Variants in AUTS2 observed in about 807,000 individuals in gnomAD.
AUTS2 encodes the protein activator of transcription and developmental regulator AUTS2.
Under a neutral mutation model 112.4 loss-of-function variants are expected in AUTS2, and 17 were observed. That is an observed-to-expected ratio of 0.15 (90% confidence interval 0.10 to 0.23). The LOEUF is 0.23. AUTS2 is among the 10% of genes least tolerant of loss of function. The pLI is 1.00. For synonymous variants in AUTS2, 751 were observed against 702.7 expected (o/e 1.07, Z -1.09); for missense variants, 1,510 against 1,701.6 (o/e 0.89, Z 1.98).
At chr7:69,749,408 TA>T (rs1388390593) in intron 1 of AUTS2, among the ~76,000 whole-genome samples, 1 of 152,220 alleles carries the variant, frequency 6.6e-6, no homozygotes, top group African/African-American at 2.4e-5. Context: ...ATCATTACTT[TA>T]TTCCCTCATC....
At chr7:69,751,294 T>G (rs1488883208) in intron 1 of AUTS2, among the ~76,000 whole-genome samples, 2 of 152,212 alleles carry the variant, frequency 1.3e-5, no homozygotes, top group Non-Finnish European at 2.9e-5. Flanking sequence ...CCTTTCATTC[T>G]GGGTCTGGCA....
chr7:70,491,488 A>G (rs1018761380), intron 5 of AUTS2, among the ~76,000 whole-genome samples: 9 of 148,238 alleles, frequency 6.1e-5, no homozygotes, highest in South Asian at 2.1e-4. Flanking sequence ...TATATGTTAT[A>G]TATACACATA....
chr7:70,418,767 C>T (rs757950813), intron 4 of AUTS2, among the ~76,000 whole-genome samples: 1 of 151,936 alleles, frequency 6.6e-6, no homozygotes, highest in Admixed American at 6.6e-5. Flanking sequence ...AGATCAAAAA[C>T]GACAGTAAAT....
chr7:69,633,329 C>A (rs1017804124), intron 1 of AUTS2, among the ~76,000 whole-genome samples: 4 of 151,820 alleles, frequency 2.6e-5, no homozygotes, highest in African/African-American at 7.2e-5. Context: ...ACACACACAC[C>A]CCCCACAGTT....
At chr7:69,714,275 G>A (rs1057145850) in intron 1 of AUTS2, among the ~76,000 whole-genome samples, 3 of 148,790 alleles carry the variant, frequency 2.0e-5, no homozygotes, top group Non-Finnish European at 2.9e-5. Context: ...GTGTGTGTGT[G>A]TGTGTGTGTG....
rs1407695435 is a variant in AUTS2 at position 70,535,809 on chromosome 7, T to C, written c.690+100028T>C. Among the ~76,000 whole-genome samples the C allele has an allele frequency of 2.0e-5, 3 of 152,148 alleles. No individual in the cohort carries two copies. The East Asian group carries it at 5.8e-4, about 29-fold the overall frequency. Reference sequence around the variant, plus strand: ...GGCTTAGTTAGTCTTCCTTCTTTCCTCCACCAAAAGACATGCAGAGCGTTA... The same window carrying C: ...GGCTTAGTTAGTCTTCCTTCTTTCCCCCACCAAAAGACATGCAGAGCGTTA... On this transcript the variant is annotated intron_variant, in intron 5 of 18. Transcript: ENST00000342771.
chr7:70,540,172 C>A (rs1800492154), intron 5 of AUTS2, among the ~76,000 whole-genome samples: 1 of 152,064 alleles, frequency 6.6e-6, no homozygotes, highest in African/African-American at 2.4e-5. Context: ...TCTCATAGTC[C>A]TTCTTGGGTG....
intron 4 of AUTS2, among the ~76,000 whole-genome samples, chr7:70,217,343 C>T (rs534669298): frequency 2.6e-5 from 4 of 152,116 alleles, no homozygotes; most frequent in Non-Finnish European, 5.9e-5. Flanking sequence ...ATGTGGGTGA[C>T]ATGGACTACT....
At chr7:70,715,149 T>C (rs1300376129) in intron 6 of AUTS2, among the ~76,000 whole-genome samples, 1 of 152,210 alleles carries the variant, frequency 6.6e-6, no homozygotes, top group Non-Finnish European at 1.5e-5. Context: ...AAATGCTCAA[T>C]TCTCTCCTTC....
At chr7:69,942,676 G>C (rs1796671182) in intron 2 of AUTS2, among the ~76,000 whole-genome samples, 1 of 152,182 alleles carries the variant, frequency 6.6e-6, no homozygotes, top group Non-Finnish European at 1.5e-5. Flanking sequence ...CATGGAGTAA[G>C]CTGCATTGTG....
At chr7:70,511,398 A>AT (rs55716420) in intron 5 of AUTS2, among the ~76,000 whole-genome samples, 15,936 of 148,452 alleles carry the variant, frequency 0.11, 1,459 homozygotes, top group African/African-American at 0.24. Flanking sequence ...TACCTCTCTT[A>AT]TTTTTTTTTT....
chr7:70,119,884 A>G (rs1013500363), intron 3 of AUTS2: 27 of 152,332 alleles, frequency 1.8e-4, no homozygotes, highest in African/African-American at 4.3e-4. Flanking sequence ...TGTGCTGTTC[A>G]TTATAGAGTG....
intron 5 of AUTS2, among the ~76,000 whole-genome samples, chr7:70,441,266 G>A (rs1183398249): frequency 6.6e-6 from 1 of 152,130 alleles, no homozygotes; most frequent in Admixed American, 6.5e-5. Flanking sequence ...TGTGCTCCTG[G>A]GCTTTGCTTT....
rs73435076 is a variant in AUTS2 at position 70,705,733 on chromosome 7, A to T, written c.742+7113A>T. Among the ~76,000 whole-genome samples the T allele has an allele frequency of 6.0e-3, 915 of 152,298 alleles. 11 individuals carry two copies. The highest frequency in any genetic ancestry group is 0.021 in the African/African-American group (879 of 41,564). Reference sequence around the variant, plus strand: ...GAGGCCTGATTGTATGAAGTGGCCCAGAAAGTGGAGATTCATTTTACCTCC... The same window carrying T: ...GAGGCCTGATTGTATGAAGTGGCCCTGAAAGTGGAGATTCATTTTACCTCC... On this transcript the variant is annotated intron_variant, in intron 6 of 18. Transcript: ENST00000342771.
At chr7:69,699,639 G>GTTTT (rs748794120) in intron 1 of AUTS2, among the ~76,000 whole-genome samples, 3 of 111,504 alleles carry the variant, frequency 2.7e-5, no homozygotes, top group Non-Finnish European at 3.7e-5. Context: ...CAGTGATAAT[G>GTTTT]TTTTTTTTTT....
chr7:70,158,584 G>T (rs77973435), intron 4 of AUTS2, among the ~76,000 whole-genome samples: 1 of 152,242 alleles, frequency 6.6e-6, no homozygotes, highest in East Asian at 1.9e-4. Flanking sequence ...CCTGCCACTC[G>T]CCTATGAGTT....
At chr7:70,149,897 A>G (rs2129576118) in intron 4 of AUTS2, among the ~76,000 whole-genome samples, 1 of 152,206 alleles carries the variant, frequency 6.6e-6, no homozygotes, top group East Asian at 1.9e-4. Flanking sequence ...TCAAAGAAAA[A>G]TAAAGACAAA....
intron 2 of AUTS2, among the ~76,000 whole-genome samples, chr7:70,051,474 T>C (rs1343661468): frequency 6.6e-6 from 1 of 152,132 alleles, no homozygotes; most frequent in Non-Finnish European, 1.5e-5. Context: ...CCCTGCAGTT[T>C]GGGAGGCCGA....
At chr7:70,548,790 T>G (rs1320146922) in intron 5 of AUTS2, among the ~76,000 whole-genome samples, 1 of 152,178 alleles carries the variant, frequency 6.6e-6, no homozygotes, top group African/African-American at 2.4e-5. Context: ...CAGGCTGTCT[T>G]GATTACTATA....
Sources: gnomAD v4.1 joint callset for allele counts (sites outside exome capture counted in the v4.1 genomes callset) on GRCh38, gnomAD v4.1.1 for gene constraint, MANE v1.5 for transcripts, NCBI Gene and HGNC (gene_info 2026-07-23, HGNC 2026-07-21) for gene names.